The following KIAA1549 variants were observed in gnomAD, a reference collection of about 807,000 sequenced individuals.
KIAA1549 encodes the protein UPF0606 protein KIAA1549.
Under a neutral mutation model 156.4 loss-of-function variants are expected in KIAA1549, and 70 were observed. The observed-to-expected ratio is 0.45, with a 90% CI of 0.37 to 0.55. KIAA1549 has a LOEUF of 0.55. KIAA1549 is among the 20% of genes least tolerant of loss of function. KIAA1549 has a pLI of 0.00. For synonymous variants in KIAA1549, 1,103 were observed against 1,066.4 expected, an observed-to-expected ratio of 1.03 and a Z score of -0.67; for missense variants, 2,428 against 2,540.9, an observed-to-expected ratio of 0.96 and a Z score of 0.96.
intron 2 of KIAA1549, among the ~76,000 whole-genome samples, chr7:138,915,956 G>A (rs1318694047): frequency 2.0e-5 from 3 of 152,214 alleles, no homozygotes; most frequent in East Asian, 1.9e-4. Context: ...AGCTTCACGC[G>A]GCCACAGCAG....
At chr7:138,940,673 CCT>C (rs1813157772) in intron 1 of KIAA1549, among the ~76,000 whole-genome samples, 1 of 152,124 alleles carries the variant, frequency 6.6e-6, no homozygotes, top group Admixed American at 6.6e-5. Context: ...CTCTCCAGCA[CCT>C]GTTGTGTCCT....
chr7:138,864,537 A>G (rs544479857), intron 15 of KIAA1549, among the ~76,000 whole-genome samples: 2 of 152,294 alleles, frequency 1.3e-5, no homozygotes, highest in African/African-American at 2.4e-5. Flanking sequence ...TCTACCATCT[A>G]TATTTAGACT....
chr7:138,970,791 C>A (rs1325892499), intron 1 of KIAA1549, among the ~76,000 whole-genome samples: 1 of 152,212 alleles, frequency 6.6e-6, no homozygotes, highest in Non-Finnish European at 1.5e-5. Context: ...TCCATAAGAT[C>A]ATCTGTTTTG....
chr7:138,961,307 A>T (rs1813838437), intron 1 of KIAA1549, among the ~76,000 whole-genome samples: 1 of 152,212 alleles, frequency 6.6e-6, no homozygotes, highest in Admixed American at 6.5e-5. Context: ...TTTGAAGTCT[A>T]TGACGGAAAT....
intron 1 of KIAA1549, among the ~76,000 whole-genome samples, chr7:138,959,633 A>T (rs1813779737): frequency 6.6e-6 from 1 of 152,260 alleles, no homozygotes; most frequent in Admixed American, 6.5e-5. Flanking sequence ...TCATAATTAA[A>T]ATTTATTTAA....
At chr7:138,869,834 G>C (rs183054145) in intron 13 of KIAA1549, 73 bp from the exon 14 acceptor site, 2 of 1,001,070 alleles carry the variant, frequency 2.0e-6, no homozygotes, top group South Asian at 3.1e-5. Flanking sequence ...ACTTCGCAAA[G>C]TCTTTATTTA....
chr7:138,890,724 T>C (rs901327168), intron 10 of KIAA1549, among the ~76,000 whole-genome samples: 1 of 152,238 alleles, frequency 6.6e-6, no homozygotes, highest in Non-Finnish European at 1.5e-5. Context: ...TGGAACGATA[T>C]GCTCACAGAG....
chr7:138,965,097 G>A (rs987913991), intron 1 of KIAA1549, among the ~76,000 whole-genome samples: 2 of 151,922 alleles, frequency 1.3e-5, no homozygotes, highest in African/African-American at 4.8e-5. Flanking sequence ...CAGCAGGCAG[G>A]AGCAGAGGAA....
At position 138,916,808 on chromosome 7, in the gene KIAA1549, T is replaced by C. The variant is rs200912083; in HGVS notation, c.2818A>G (p.Thr940Ala). The C allele has an allele frequency of 1.7e-4, 277 of 1,613,848 alleles. 1 individual carries two copies. The highest frequency in any genetic ancestry group is 2.2e-4 in the Non-Finnish European group (260 of 1,179,890). The change falls in exon 2 of 20, where the codon ACT (threonine) becomes GCT (alanine). Residue 940 changes from threonine to alanine, a missense_variant. Around this residue, in one of 5 missense-constraint regions of KIAA1549, gnomAD observed 762 missense variants for 901.6 expected, o/e 0.85. Coordinates refer to ENST00000422774, the MANE Select transcript of KIAA1549 (RefSeq NM_001164665.2). ...TCACAAACATATGGCGGCTTGGCAG[T>C]AGCCAGTGTTGGTGTGTCGACTGTT... is the stretch of plus-strand genomic sequence containing the variant. ...EATVDTPTLA[T>A]AKPPYVCDIT...
chr7:138,974,685 A>C (rs1014863384), intron 1 of KIAA1549, among the ~76,000 whole-genome samples: 3 of 151,702 alleles, frequency 2.0e-5, no homozygotes, highest in African/African-American at 7.3e-5. Flanking sequence ...AGCCTCCCAA[A>C]GTGCTGGGAT....
At chr7:138,954,357 G>A (rs662359) in intron 1 of KIAA1549, among the ~76,000 whole-genome samples, 63,951 of 152,014 alleles carry the variant, frequency 0.42, 17,671 homozygotes, top group African/African-American at 0.79. Flanking sequence ...GCATGGCTAA[G>A]TCGTACTGTG....
chr7:138,871,296 C>T lies in KIAA1549; in HGVS notation c.4412G>A (p.Arg1471Lys). ...SSASIFEHVD[R>K]ISRPPEASRR... ...GCTAGCCTCCGGGGGGCGGGAGATC[C>T]TGTCCACGTGCTCGAAGATGGAGGC... Residue 1471 changes from arginine to lysine, a missense_variant, in exon 13 of 20, where the codon AGG becomes AAG. Arg to Lys is a conservative substitution (Grantham distance 26). This residue lies in a region of KIAA1549 where 404 missense variants were observed against 417.0 expected (regional missense o/e 0.97). Coordinates refer to ENST00000422774, the MANE Select transcript of KIAA1549 (RefSeq NM_001164665.2). 6.2e-7 allele frequency: 1 copy of T among 1,608,396 alleles called. No homozygotes were observed. Among genetic ancestry groups the T allele is most frequent in the Non-Finnish European group, 8.5e-7 (1 of 1,177,118 alleles).
At chr7:138,842,425 G>A (rs1048489388) in intron 18 of KIAA1549, among the ~76,000 whole-genome samples, 2 of 152,192 alleles carry the variant, frequency 1.3e-5, no homozygotes, top group Non-Finnish European at 2.9e-5. Flanking sequence ...AGCGGCTCAC[G>A]CCTGTAATCC....
intron 1 of KIAA1549, among the ~76,000 whole-genome samples, chr7:138,924,808 TCAAG>T (rs1308760574): frequency 2.6e-5 from 4 of 152,216 alleles, no homozygotes; most frequent in African/African-American, 9.6e-5. Context: ...GACTCTAATT[TCAAG>T]CCCTGGAGAT....
At position 138,834,078 on chromosome 7, in the gene KIAA1549, T is replaced by C. The variant is rs1348653650; in HGVS notation, c.*3828A>G. 4.4e-6 allele frequency: 1 copy of C among 226,770 alleles called. No individual in the cohort carries two copies. The highest frequency in any genetic ancestry group is 8.8e-6 in the Non-Finnish European group (1 of 114,018). 14.0% of individuals were successfully genotyped at this position (226,770 alleles called of 1,614,324 possible). On this transcript the variant is annotated 3_prime_UTR_variant, in exon 20 of 20. Transcript: ENST00000422774. Reference sequence around the variant, plus strand: ...TAGCTGCCCTGCCTTCAAAGTCACTTCAGAAGTTGACGTCTCCCCAAGATA... The same window carrying C: ...TAGCTGCCCTGCCTTCAAAGTCACTCCAGAAGTTGACGTCTCCCCAAGATA...
intron 1 of KIAA1549, among the ~76,000 whole-genome samples, chr7:138,933,013 T>C (rs1396008831): frequency 6.6e-6 from 1 of 152,000 alleles, no homozygotes; most frequent in Non-Finnish European, 1.5e-5. Flanking sequence ...CGGTCGGTAC[T>C]GGGGAAGGGT....
Position 138,917,001 on chromosome 7 carries a change from C to A in KIAA1549, c.2625G>T (p.Val875=). 6.2e-7 allele frequency: 1 copy of A among 1,600,204 alleles called. No homozygotes were observed. Among genetic ancestry groups the A allele is most frequent in the Non-Finnish European group, 8.5e-7 (1 of 1,173,022 alleles). The part of the protein sequence containing the change: ...VVGPSLTPTE[V]PLNTSTEVST... The stretch of plus-strand genomic sequence containing the variant: ...TCACTTCCGTGGAGGTGTTCAGTGG[C>A]ACCTCTGTGGGTGTGAGTGATGGGC... Residue 875 remains valine, a synonymous_variant, in exon 2 of 20, where the codon GTG becomes GTT. Coordinates refer to ENST00000422774, the MANE Select transcript of KIAA1549 (RefSeq NM_001164665.2).
In KIAA1549 at chr7:138,917,112, C is replaced by T; in HGVS notation, c.2514G>A (p.Leu838=). Residue 838 remains leucine, a synonymous_variant, in exon 2 of 20, where the codon TTG becomes TTA. Transcript: ENST00000422774. ...CTGATGGCAGGTACGCGTCAGTGAT[C>T]AACACCGTACCAGTGGGAATGGCTT... is the stretch of plus-strand genomic sequence containing the variant. The part of the protein sequence containing the change: ...FSKAIPTGTV[L]ITDAYLPSGS... 6.2e-7 allele frequency: 1 copy of T among 1,611,556 alleles called. No individual in the cohort carries two copies. The highest frequency in any genetic ancestry group is 8.5e-7 in the Non-Finnish European group (1 of 1,178,832).
At chr7:138,902,520 A>G (rs1811870960) in intron 8 of KIAA1549, among the ~76,000 whole-genome samples, 1 of 152,190 alleles carries the variant, frequency 6.6e-6, no homozygotes, top group South Asian at 2.1e-4. Context: ...GGAGATGGAA[A>G]TTAATGACAG....
Sources: gnomAD v4.1 joint callset for allele counts (sites outside exome capture counted in the v4.1 genomes callset) on GRCh38, gnomAD v4.1.1 for gene constraint, gnomAD v4.1.1 regional missense constraint, MANE v1.5 for transcripts, NCBI Gene and HGNC (gene_info 2026-07-23, HGNC 2026-07-21) for gene names.